The following CDH4 variants were observed in gnomAD, a reference collection of about 807,000 sequenced individuals.
The protein encoded by CDH4 is cadherin-4.
In CDH4, 33 loss-of-function variants were observed where a neutral mutation model predicts 86.0. The observed-to-expected ratio is 0.38, with a 90% CI of 0.29 to 0.51. The LOEUF is 0.51. Among genes scored for constraint, CDH4 ranks in the 20% least tolerant of loss-of-function variants. The pLI is 0.86. For synonymous variants in CDH4, 555 were observed against 549.4 expected (o/e 1.01, Z -0.14); for missense variants, 1,114 against 1,307.4 (o/e 0.85, Z 2.28).
In CDH4 at chr20:61,868,374, T is replaced by C. The variant is rs1015542607; in HGVS notation, c.878-5354T>C. 1.1e-4 allele frequency among the ~76,000 whole-genome samples: 16 copies of C among 152,222 alleles called. 1 individual carries two copies. Among genetic ancestry groups the C allele is most frequent in the Admixed American group, 9.2e-4 (14 of 15,298 alleles). Reference sequence around the variant, plus strand: ...CTGAGGAGTCAGAGGGGAGGCAGCCTGGCTGGTTCCTGCCGCAGAGGCCCA... The same window carrying C: ...CTGAGGAGTCAGAGGGGAGGCAGCCCGGCTGGTTCCTGCCGCAGAGGCCCA... On this transcript the variant is annotated intron_variant, in intron 6 of 15. Coordinates refer to ENST00000614565, the MANE Select transcript of CDH4 (RefSeq NM_001794.5).
At chr20:61,790,034 T>C (rs1979087617) in intron 4 of CDH4, among the ~76,000 whole-genome samples, 2 of 152,140 alleles carry the variant, frequency 1.3e-5, no homozygotes, top group Non-Finnish European at 2.9e-5. Flanking sequence ...TCTATTACAT[T>C]AGGTTAGTGT....
chr20:61,391,491 A>C (rs1048769274), intron 2 of CDH4, among the ~76,000 whole-genome samples: 7 of 152,148 alleles, frequency 4.6e-5, no homozygotes, highest in Middle Eastern at 3.2e-3. Context: ...GGCTAGACAC[A>C]TGCCCCACCA....
rs1035571228 is a variant in CDH4, at chr20:61,518,935, C to T, written c.170-224628C>T. ...CATTCATCTACCCACCTCATTCATC[C>T]ATCATTCATTCATCTATCCATCCAT... On this transcript the variant is annotated intron_variant, in intron 2 of 15. Coordinates refer to ENST00000614565, the MANE Select transcript of CDH4 (RefSeq NM_001794.5). The surrounding 1 kb of genome is among the most constrained non-coding windows in gnomAD (Gnocchi z 6.3). Among the ~76,000 whole-genome samples the T allele has an allele frequency of 2.6e-5, 4 of 151,740 alleles. No homozygotes were observed. The highest frequency in any genetic ancestry group is 1.3e-4 in the Admixed American group (2 of 15,272).
intron 2 of CDH4, among the ~76,000 whole-genome samples, chr20:61,433,713 C>G (rs1007332269): frequency 6.6e-6 from 1 of 152,104 alleles, no homozygotes; most frequent in Non-Finnish European, 1.5e-5. Context: ...AGGCTCCCGT[C>G]GGTCCCTGAG....
At chr20:61,734,011 G>A (rs573742712) in intron 2 of CDH4, among the ~76,000 whole-genome samples, 48 of 152,362 alleles carry the variant, frequency 3.2e-4, no homozygotes, top group African/African-American at 1.1e-3. Flanking sequence ...GGTTCCCAGC[G>A]CAGGCTGTCT....
rs1005719918 is a variant in CDH4, at chr20:61,254,841, C to G, written c.73C>G (p.Leu25Val). ...GTGTTCTCAGGCCCATAATGAGGATCTTACAACTAGAGAGACCTGCAAGGC... is the reference window on the plus strand; with the variant it reads ...GTGTTCTCAGGCCCATAATGAGGATGTTACAACTAGAGAGACCTGCAAGGC... ...SGALRAHNED[L>V]TTRETCKAGF... The change falls in exon 2 of 16, where the codon CTT becomes GTT. Residue 25 changes from leucine to valine, a missense_variant. By Grantham distance (32) the Leu-to-Val change is conservative (BLOSUM62 1). Around this residue, in one of 3 missense-constraint regions of CDH4, gnomAD observed 221 missense variants for 209.5 expected, o/e 1.05. Coordinates refer to ENST00000614565, the MANE Select transcript of CDH4 (RefSeq NM_001794.5). 1 of 1,605,532 alleles carries G rather than the reference C, an allele frequency of 6.2e-7. No individual in the cohort carries two copies. The highest frequency in any genetic ancestry group is 1.1e-5 in the South Asian group (1 of 90,900).
intron 2 of CDH4, among the ~76,000 whole-genome samples, chr20:61,372,000 A>G (rs1211760961): frequency 1.3e-5 from 2 of 152,194 alleles, no homozygotes; most frequent in Non-Finnish European, 2.9e-5. Context: ...TTGTGTTTGT[A>G]AACACGTGCA....
At chr20:61,520,250 T>C (rs887557825) in intron 2 of CDH4, among the ~76,000 whole-genome samples, 1 of 152,226 alleles carries the variant, frequency 6.6e-6, no homozygotes, top group African/African-American at 2.4e-5. Flanking sequence ...AGGCCGCCTG[T>C]GTGGGACTGT....
chr20:61,734,079 A>G (rs2088230606), intron 2 of CDH4, among the ~76,000 whole-genome samples: 1 of 152,206 alleles, frequency 6.6e-6, no homozygotes, highest in African/African-American at 2.4e-5. Flanking sequence ...TTAACCCGGA[A>G]GCCTCCTAAT....
chr20:61,559,495 C>A (rs1185690171), intron 2 of CDH4, among the ~76,000 whole-genome samples: 1 of 144,002 alleles, frequency 6.9e-6, no homozygotes, highest in African/African-American at 2.6e-5. Flanking sequence ...CAGTTAGAGT[C>A]TCCTTTCTTT....
rs543069448 is a variant in CDH4 at position 61,780,524 on chromosome 20, C to G, written c.576+7342C>G. 1.2e-4 allele frequency among the ~76,000 whole-genome samples: 18 copies of G among 152,354 alleles called. No individual in the cohort carries two copies. The South Asian group carries it at 3.5e-3, about 30-fold the overall frequency. On this transcript the variant is annotated intron_variant, in intron 4 of 15. Coordinates refer to ENST00000614565, the MANE Select transcript of CDH4 (RefSeq NM_001794.5). Reference sequence around the variant, plus strand: ...TTAAGTGAGAATGACGGACACGGCCCTAGTGCCTACCTCTGCTAGTCAGCC... The same window carrying G: ...TTAAGTGAGAATGACGGACACGGCCGTAGTGCCTACCTCTGCTAGTCAGCC...
chr20:61,634,119 G>A (rs1209513659), intron 2 of CDH4, among the ~76,000 whole-genome samples: 3 of 152,164 alleles, frequency 2.0e-5, no homozygotes, highest in African/African-American at 7.2e-5. Context: ...AACTCAGTGG[G>A]TTGTTTAGGA....
Position 61,623,486 on chromosome 20 carries a change from A to G in CDH4, c.170-120077A>G, listed in dbSNP as rs2086797430. Reference sequence around the variant, plus strand: ...CAAAGCCTTCAGAAATACCATTACAATGAAAACAATTTCAAGAGCAAATTG... The same window carrying G: ...CAAAGCCTTCAGAAATACCATTACAGTGAAAACAATTTCAAGAGCAAATTG... On this transcript the variant is annotated intron_variant, in intron 2 of 15. Coordinates refer to ENST00000614565, the MANE Select transcript of CDH4 (RefSeq NM_001794.5). The surrounding 1 kb of genome is among the most constrained non-coding windows in gnomAD (Gnocchi z 4.4). Among the ~76,000 whole-genome samples the G allele has an allele frequency of 6.6e-6, 1 of 152,224 alleles. No individual in the cohort carries two copies. Among genetic ancestry groups the G allele is most frequent in the South Asian group, 2.1e-4 (1 of 4,838 alleles).
chr20:61,398,963 T>C (rs532243481), intron 2 of CDH4, among the ~76,000 whole-genome samples: 2 of 152,154 alleles, frequency 1.3e-5, no homozygotes, highest in Admixed American at 1.3e-4. Context: ...GCCATGGAGG[T>C]GTGATGCTGA....
At chr20:61,533,449 C>T (rs757005223) in intron 2 of CDH4, among the ~76,000 whole-genome samples, 22 of 152,342 alleles carry the variant, frequency 1.4e-4, no homozygotes, top group Non-Finnish European at 5.9e-5. Context: ...GCTCGTCTCT[C>T]CATCCCTTGT....
chr20:61,814,007 C>G (rs559102029), intron 4 of CDH4, among the ~76,000 whole-genome samples: 11 of 152,222 alleles, frequency 7.2e-5, no homozygotes, highest in Non-Finnish European at 1.2e-4. Context: ...CAGGCCATCC[C>G]CATTCCTGAG....
intron 2 of CDH4, among the ~76,000 whole-genome samples, chr20:61,573,510 A>G (rs1050832175): frequency 5.3e-5 from 8 of 152,142 alleles, no homozygotes; most frequent in African/African-American, 9.7e-5. Context: ...GCGCACCATC[A>G]TGTCTGAGGG....
intron 2 of CDH4, among the ~76,000 whole-genome samples, chr20:61,649,438 C>G (rs2087098745): frequency 6.6e-6 from 1 of 152,218 alleles, no homozygotes. Flanking sequence ...CCTTCCCTTG[C>G]ACACTACTCC....
intron 2 of CDH4, among the ~76,000 whole-genome samples, chr20:61,554,600 C>G (rs1055024372): frequency 6.6e-6 from 1 of 152,226 alleles, no homozygotes; most frequent in African/African-American, 2.4e-5. Flanking sequence ...AGGCTGACAA[C>G]AGGTCACCCA....
Sources: allele counts gnomAD v4.1 joint callset (sites outside exome capture counted in the v4.1 genomes callset), GRCh38; gene constraint gnomAD v4.1.1; regional missense constraint gnomAD v4.1.1; non-coding constraint Gnocchi (gnomAD v3.1); transcripts MANE v1.5; gene names NCBI Gene and HGNC (gene_info 2026-07-23, HGNC 2026-07-21).